PJA2: variants seen among roughly 807,000 people sequenced by gnomAD.
The protein encoded by PJA2 is praja ring finger ubiquitin ligase 2.
A neutral mutation model predicts 69.3 loss-of-function variants in PJA2; 25 were observed. The ratio of observed to expected loss-of-function variants is 0.36; its 90% confidence interval spans 0.26 to 0.50. PJA2 has a LOEUF of 0.50. PJA2 is among the 20% of genes least tolerant of loss of function. The pLI, the probability that PJA2 is intolerant of heterozygous loss-of-function variation, is 0.96. For missense variants in PJA2, 809 were observed against 830.2 expected, an observed-to-expected ratio of 0.97 and a Z score of 0.31; for synonymous variants, 308 against 277.8, an observed-to-expected ratio of 1.11 and a Z score of -1.08.
chr5:109,392,317 T>C (rs1232246840), intron 1 of PJA2, among the ~76,000 whole-genome samples: 1 of 145,024 alleles, frequency 6.9e-6, no homozygotes, highest in Non-Finnish European at 1.5e-5. Context: ...TCTCAGCAGT[T>C]TGGGAAGCCG....
chr5:109,409,535 TAAA>T (rs1411113166), intron 1 of PJA2, among the ~76,000 whole-genome samples: 2 of 151,802 alleles, frequency 1.3e-5, no homozygotes, highest in African/African-American at 4.8e-5. Context: ...GAGGCAGCAG[TAAA>T]GAGCGGCAGC....
At chr5:109,382,089 C>T (rs934902306) in intron 2 of PJA2, among the ~76,000 whole-genome samples, 2 of 152,074 alleles carry the variant, frequency 1.3e-5, no homozygotes, top group African/African-American at 4.8e-5. Context: ...GTGCTCAATA[C>T]ATATTTGATG....
At chr5:109,361,188 A>C (rs1762498300) in intron 6 of PJA2, among the ~76,000 whole-genome samples, 1 of 152,234 alleles carries the variant, frequency 6.6e-6, no homozygotes, top group Non-Finnish European at 1.5e-5. Flanking sequence ...TATTTAGGTA[A>C]AACAACCCTT....
intron 9 of PJA2, among the ~76,000 whole-genome samples, chr5:109,340,621 TCCCCCTCCCC>T (rs1272596465): frequency 0.038 from 282 of 7,452 alleles, 113 homozygotes; most frequent in Middle Eastern, 0.2. Context: ...ATTGGGTCCC[TCCCCCTCCCC>T]CTCCCCCTCC....
At chr5:109,398,320 T>C (rs1272805034) in intron 1 of PJA2, among the ~76,000 whole-genome samples, 1 of 152,138 alleles carries the variant, frequency 6.6e-6, no homozygotes, top group African/African-American at 2.4e-5. Flanking sequence ...TAAAGACACA[T>C]GCACACGTAT....
intron 7 of PJA2, among the ~76,000 whole-genome samples, chr5:109,355,174 G>C (rs530225668): frequency 1.8e-3 from 270 of 151,990 alleles, no homozygotes; most frequent in Non-Finnish European, 3.1e-3. Flanking sequence ...AAAATTTAAA[G>C]ACAAAATATA....
intron 9 of PJA2, among the ~76,000 whole-genome samples, chr5:109,342,132 C>T (rs1762079019): frequency 1.7e-5 from 2 of 121,046 alleles, no homozygotes; most frequent in African/African-American, 3.0e-5. Context: ...CCAGCCGCCC[C>T]GTCCGGGAGG....
intron 6 of PJA2, among the ~76,000 whole-genome samples, chr5:109,356,795 CCATT>C (rs1203880592): frequency 2.0e-5 from 3 of 152,082 alleles, no homozygotes; most frequent in African/African-American, 7.2e-5. Context: ...TAGGCCACCT[CCATT>C]ATTATACAGC....
At chr5:109,339,281 T>C (rs1418365518) in intron 9 of PJA2, among the ~76,000 whole-genome samples, 2 of 152,198 alleles carry the variant, frequency 1.3e-5, no homozygotes, top group Non-Finnish European at 2.9e-5. Context: ...AATGAAGATT[T>C]GGAAGAGTGA....
chr5:109,354,520 T>TATGATATCTAG, intron 7 of PJA2, among the ~76,000 whole-genome samples: 1 of 45,666 alleles, frequency 2.2e-5, no homozygotes, highest in Admixed American at 2.1e-4. Flanking sequence ...ATATCGATAT[T>TATGATATCTAG]AGATATCTAT....
At chr5:109,380,558 A>C (rs1175497147) in intron 3 of PJA2, among the ~76,000 whole-genome samples, 1 of 152,146 alleles carries the variant, frequency 6.6e-6, no homozygotes, top group African/African-American at 2.4e-5. Flanking sequence ...CTGTAATCCC[A>C]GCACTTTGGG....
chr5:109,351,994 A>G (rs1167248254), intron 7 of PJA2, among the ~76,000 whole-genome samples: 1 of 152,192 alleles, frequency 6.6e-6, no homozygotes, highest in Admixed American at 6.5e-5. Flanking sequence ...ATTTTCTAGG[A>G]GTGAAACATC....
chr5:109,337,107 A>C lies in PJA2; in HGVS notation c.*124T>G. ...GTTTAGAAAGGTTAATATTCTTTCT[A>C]AACTATGGCATATACTATATATAGC... On this transcript the variant is annotated 3_prime_UTR_variant, in exon 10 of 10. Coordinates refer to ENST00000361189, the MANE Select transcript of PJA2 (RefSeq NM_014819.5). 2 of 909,648 alleles carry C rather than the reference A, an allele frequency of 2.2e-6. No individual in the cohort carries two copies. Among genetic ancestry groups the C allele is most frequent in the Non-Finnish European group, 3.0e-6 (2 of 674,962 alleles). 56.3% of individuals were successfully genotyped at this position (909,648 alleles called of 1,614,324 possible).
At chr5:109,389,371 C>G (rs1747232856) in intron 1 of PJA2, among the ~76,000 whole-genome samples, 1 of 152,054 alleles carries the variant, frequency 6.6e-6, no homozygotes, top group Non-Finnish European at 1.5e-5. Flanking sequence ...TGTCAGCTGA[C>G]TAAACTGTGT....
chr5:109,372,908 A>C (rs1358262675), intron 4 of PJA2, among the ~76,000 whole-genome samples: 15 of 122,504 alleles, frequency 1.2e-4, no homozygotes, highest in African/African-American at 5.7e-4. Context: ...TCCGTCTCAA[A>C]AAAAAAAAAA....
intron 9 of PJA2, among the ~76,000 whole-genome samples, chr5:109,342,707 A>G (rs1268758461): frequency 1.5e-3 from 82 of 54,776 alleles, no homozygotes; most frequent in Admixed American, 1.9e-3. Context: ...AGGTGGGGGG[A>G]GTCAGCCCCC....
At chr5:109,399,998 A>C (rs1162032549) in intron 1 of PJA2, among the ~76,000 whole-genome samples, 1 of 152,164 alleles carries the variant, frequency 6.6e-6, no homozygotes, top group African/African-American at 2.4e-5. Context: ...AGTGAGCTCA[A>C]GATAAATCAG....
Position 109,335,305 on chromosome 5 carries a change from A to C in PJA2, c.*1926T>G, listed in dbSNP as rs1279386469. ...AAGAATGAAGGACAGTAACAGATGG[A>C]AAGCAAAAAGTACAACAGCTATCTT... On this transcript the variant is annotated 3_prime_UTR_variant, in exon 10 of 10. Coordinates refer to ENST00000361189, the MANE Select transcript of PJA2 (RefSeq NM_014819.5). 1 of 152,662 alleles carries C rather than the reference A, an allele frequency of 6.6e-6. No homozygotes were observed. The highest frequency in any genetic ancestry group is 2.4e-5 in the African/African-American group (1 of 41,470). The allele number at this position is 152,662 out of a possible 1,614,324, so 9.5% of individuals were successfully genotyped here.
chr5:109,351,851 AAG>A, intron 7 of PJA2, among the ~76,000 whole-genome samples: 1 of 152,296 alleles, frequency 6.6e-6, no homozygotes, highest in Admixed American at 6.5e-5. Flanking sequence ...GTTTCATTTA[AAG>A]AGTGTTAGTG....
Sources: gnomAD v4.1 joint callset for allele counts (sites outside exome capture counted in the v4.1 genomes callset) on GRCh38, gnomAD v4.1.1 for gene constraint, MANE v1.5 for transcripts, NCBI Gene and HGNC (gene_info 2026-07-23, HGNC 2026-07-21) for gene names.